Variants in ZFP42 observed in about 807,000 individuals in gnomAD.
ZFP42 encodes the protein zinc finger protein 42 homolog.
For missense variants in ZFP42, 438 were observed against 377.1 expected, an observed-to-expected ratio of 1.16 and a Z score of -1.34; for synonymous variants, 175 against 144.6, an observed-to-expected ratio of 1.21 and a Z score of -1.51.
At chr4:187,997,035 G>GTGGAGCATGGAGCATGGAGCA (rs1286861135) in intron 1 of ZFP42, among the ~76,000 whole-genome samples, 9 of 85,778 alleles carry the variant, frequency 1.0e-4, no homozygotes, top group Admixed American at 6.1e-4. Flanking sequence ...AGCATGGAGC[G>GTGGAGCATGGAGCATGGAGCA]TGGAGCATGG....
intron 1 of ZFP42, among the ~76,000 whole-genome samples, chr4:187,996,921 G>C (rs1427463760): frequency 6.6e-6 from 1 of 151,910 alleles, no homozygotes; most frequent in Non-Finnish European, 1.5e-5. Flanking sequence ...ATGGTCCCGG[G>C]GCTCACCGTC....
rs1337509250 is a variant in ZFP42, at chr4:187,999,631, C to T, written c.-150C>T. 1 of 152,274 alleles carries T rather than the reference C, an allele frequency of 6.6e-6. No individual in the cohort carries two copies. Among genetic ancestry groups the T allele is most frequent in the East Asian group, 1.9e-4 (1 of 5,200 alleles). 9.4% of individuals were successfully genotyped at this position (152,274 alleles called of 1,614,324 possible). On this transcript the variant is annotated 5_prime_UTR_variant, in exon 3 of 4. Coordinates refer to ENST00000326866, the MANE Select transcript of ZFP42 (RefSeq NM_174900.5). ...TAGACAAATGTACTGAGGCTGGAGC[C>T]TGTGTGAACAGAACAGAAGAGGCCT...
intron 3 of ZFP42, among the ~76,000 whole-genome samples, chr4:188,000,564 G>T (rs1733771441): frequency 6.6e-6 from 1 of 152,048 alleles, no homozygotes; most frequent in Admixed American, 6.6e-5. Flanking sequence ...TTAGTAGACA[G>T]GGTTCCGCCA....
intron 1 of ZFP42, among the ~76,000 whole-genome samples, chr4:187,998,086 C>A (rs1274320356): frequency 6.6e-6 from 1 of 152,172 alleles, no homozygotes; most frequent in Non-Finnish European, 1.5e-5. Context: ...CCTGTAATCC[C>A]AGCATTTTGA....
intron 3 of ZFP42, among the ~76,000 whole-genome samples, chr4:188,000,857 CG>C (rs150580925): frequency 6.6e-6 from 1 of 151,452 alleles, no homozygotes; most frequent in Non-Finnish European, 1.5e-5. Context: ...GGTGGCGGGG[CG>C]GGGGGGCGCC....
chr4:188,003,880 C>T lies in ZFP42; in HGVS notation c.*140C>T. On this transcript the variant is annotated 3_prime_UTR_variant, in exon 4 of 4. Transcript: ENST00000326866. Reference sequence around the variant, plus strand: ...TATAATTTGGTGTTACTAAGATGCTCCTACACTTTGTGATACCGTTTTAAG... The same window carrying T: ...TATAATTTGGTGTTACTAAGATGCTTCTACACTTTGTGATACCGTTTTAAG... The T allele has an allele frequency of 1.2e-6, 1 of 827,812 alleles. No homozygotes were observed. The highest frequency in any genetic ancestry group is 2.0e-5 in the South Asian group (1 of 49,002). 51.3% of individuals were successfully genotyped at this position (827,812 alleles called of 1,614,324 possible).
intron 3 of ZFP42, among the ~76,000 whole-genome samples, chr4:188,001,377 C>T (rs1198797307): frequency 6.6e-6 from 1 of 152,074 alleles, no homozygotes; most frequent in Non-Finnish European, 1.5e-5. Context: ...ACTTTTATAA[C>T]GTCATTGCTG....
chr4:188,003,924 TTCTTTTATTTGTTTTATTTAGAAC>T lies in ZFP42; in HGVS notation c.*186_*209del, dbSNP rs1335825859. 5.2e-6 allele frequency: 3 copies of T among 571,532 alleles called. No homozygotes were observed. Among genetic ancestry groups the T allele is most frequent in the African/African-American group, 3.8e-5 (2 of 53,262 alleles). The allele number at this position is 571,532 out of a possible 1,614,324, so 35.4% of individuals were successfully genotyped here. On this transcript the variant is annotated 3_prime_UTR_variant, in exon 4 of 4. Transcript: ENST00000326866. ...TTTTAAGGACATGGTGCATTTTTTT[TTCTTTTATTTGTTTTATTTAGAAC>T]TTTTTTTATTTGTTTTATTTAGAAC... is the stretch of plus-strand genomic sequence containing the variant.
chr4:187,997,228 C>CT (rs71595201), intron 1 of ZFP42, among the ~76,000 whole-genome samples: 4,590 of 59,844 alleles, frequency 0.077, 600 homozygotes, highest in African/African-American at 0.11. Context: ...CTCTCATATT[C>CT]TTTTTTTTTT....
In ZFP42 at chr4:188,003,060, A is replaced by C. The variant is rs577420432; in HGVS notation, c.253A>C (p.Ile85Leu). ...CVIRGEFSQP[I>L]LEEDSLFESL... Reference sequence around the variant, plus strand: ...CATAAGGGGTGAGTTTTCTCAACCCATCCTGGAAGAGGACTCACTTTTTGA... The same window carrying C: ...CATAAGGGGTGAGTTTTCTCAACCCCTCCTGGAAGAGGACTCACTTTTTGA... The change falls in exon 4 of 4, where the codon ATC (isoleucine) becomes CTC (leucine). Residue 85 changes from isoleucine (I) to leucine (L), a missense_variant. Physicochemically the swap from Ile to Leu is conservative, Grantham distance 5. Transcript: ENST00000326866. 1 of 1,614,194 alleles carries C rather than the reference A, an allele frequency of 6.2e-7. No homozygotes were observed.
At chr4:188,001,862 G>C (rs1219053975) in intron 3 of ZFP42, among the ~76,000 whole-genome samples, 1 of 152,216 alleles carries the variant, frequency 6.6e-6, no homozygotes, top group African/African-American at 2.4e-5. Flanking sequence ...TATTTAATTT[G>C]AATTTCATAA....
chr4:187,997,464 T>G (rs914640339), intron 1 of ZFP42, among the ~76,000 whole-genome samples: 3 of 151,586 alleles, frequency 2.0e-5, no homozygotes, highest in African/African-American at 7.3e-5. Context: ...CCTGACCTCG[T>G]GATCCGCCCG....
chr4:188,003,530 A>C lies in ZFP42; in HGVS notation c.723A>C (p.Gly241=), dbSNP rs1443792836. Residue 241 remains glycine (G), a synonymous_variant, in exon 4 of 4, where the codon GGA becomes GGC. Transcript: ENST00000326866. ...AGAGACATTTCCTGGTTCATACTGG[A>C]GAGAAGCCGTTTCGGTGCACTTTTG... ...KLKRHFLVHT[G]EKPFRCTFEG... The C allele has an allele frequency of 6.2e-7, 1 of 1,613,704 alleles. No homozygotes were observed. Among genetic ancestry groups the C allele is most frequent in the Non-Finnish European group, 8.5e-7 (1 of 1,180,028 alleles).
At position 188,004,684 on chromosome 4, in the gene ZFP42, A is replaced by T; in HGVS notation, c.*944A>T. 6.0e-6 allele frequency: 1 copy of T among 167,262 alleles called. No individual in the cohort carries two copies. The allele number at this position is 167,262 out of a possible 1,614,324, so 10.4% of individuals were successfully genotyped here. A position where few individuals can be genotyped will look rare whatever the true frequency, so the allele number is the denominator to read the frequency against. ...ACGCCTGTGTTCCCAGCTACTCAGGAGGCTGAAGCAGGAGGATAGCTTGAG... is the reference window on the plus strand; with the variant it reads ...ACGCCTGTGTTCCCAGCTACTCAGGTGGCTGAAGCAGGAGGATAGCTTGAG... On this transcript the variant is annotated 3_prime_UTR_variant, in exon 4 of 4. Transcript: ENST00000326866.
chr4:188,003,075 T>A lies in ZFP42; in HGVS notation c.268T>A (p.Ser90Thr). Reference sequence around the variant, plus strand: ...TTCTCAACCCATCCTGGAAGAGGACTCACTTTTTGAGTCCTTGGAATACCT... The same window carrying A: ...TTCTCAACCCATCCTGGAAGAGGACACACTTTTTGAGTCCTTGGAATACCT... ...EFSQPILEED[S>T]LFESLEYLKK... The change falls in exon 4 of 4, where the codon TCA becomes ACA. Residue 90 changes from serine (S) to threonine (T), a missense_variant. Transcript: ENST00000326866. 2 of 1,614,148 alleles carry A rather than the reference T, an allele frequency of 1.2e-6. No individual in the cohort carries two copies. Among genetic ancestry groups the A allele is most frequent in the Non-Finnish European group, 1.7e-6 (2 of 1,180,032 alleles).
At chr4:188,002,168 C>A (rs1288750496) in intron 3 of ZFP42, among the ~76,000 whole-genome samples, 1 of 152,148 alleles carries the variant, frequency 6.6e-6, no homozygotes, top group African/African-American at 2.4e-5. Context: ...CAGAGTGAGA[C>A]TCCGTCTCCA....
At chr4:187,998,095 G>C (rs1733670640) in intron 1 of ZFP42, among the ~76,000 whole-genome samples, 1 of 152,182 alleles carries the variant, frequency 6.6e-6, no homozygotes, top group African/African-American at 2.4e-5. Flanking sequence ...CCAGCATTTT[G>C]AGAGCCTGAG....
intron 3 of ZFP42, among the ~76,000 whole-genome samples, chr4:188,000,069 A>G (rs917045115): frequency 2.6e-5 from 4 of 152,222 alleles, no homozygotes; most frequent in African/African-American, 9.6e-5. Context: ...CAGAAGTATT[A>G]TGGACATCAG....
In ZFP42 at chr4:188,002,989, A is replaced by C; in HGVS notation, c.182A>C (p.Gln61Pro). 6.2e-7 allele frequency: 1 copy of C among 1,614,018 alleles called. No homozygotes were observed. The highest frequency in any genetic ancestry group is 8.5e-7 in the Non-Finnish European group (1 of 1,179,994). The change falls in exon 4 of 4, where the codon CAG becomes CCG. Residue 61 changes from glutamine to proline, a missense_variant. By Grantham distance (76) the Gln-to-Pro change is moderately conservative (BLOSUM62 -1). Transcript: ENST00000326866. Reference protein sequence around the residue: ...DGYVCYEPGPQALGGDDFSDC... With the variant: ...DGYVCYEPGPPALGGDDFSDC... ...TATGTGTGCTATGAGCCTGGCCCTC[A>C]GGCTCTCGGAGGGGATGATTTCTCA...
Sources: gnomAD v4.1 joint callset for allele counts (sites outside exome capture counted in the v4.1 genomes callset) on GRCh38, gnomAD v4.1.1 for gene constraint, MANE v1.5 for transcripts, NCBI Gene and HGNC (gene_info 2026-07-23, HGNC 2026-07-21) for gene names.